IMMP2L: variants seen among roughly 807,000 people sequenced by gnomAD.
IMMP2L encodes the protein mitochondrial inner membrane protease subunit 2.
A neutral mutation model predicts 19.3 loss-of-function variants in IMMP2L; 18 were observed. The ratio of observed to expected loss-of-function variants is 0.93; its 90% CI spans 0.64 to 1.38. The LOEUF (loss-of-function observed/expected upper bound fraction) is 1.38. Ranked by LOEUF, IMMP2L falls within the 40% of genes most tolerant of loss-of-function variation. The pLI is 0.00. For missense variants in IMMP2L, 233 were observed against 218.2 expected (o/e 1.07, Z -0.43); for synonymous variants, 76 against 73.0 (o/e 1.04, Z -0.21).
At chr7:111,373,240 T>A (rs911806924) in intron 3 of IMMP2L, among the ~76,000 whole-genome samples, 1 of 151,882 alleles carries the variant, frequency 6.6e-6, no homozygotes, top group African/African-American at 2.4e-5. Flanking sequence ...AAGTTTTCTA[T>A]GAAAAGGAAA....
intron 4 of IMMP2L, among the ~76,000 whole-genome samples, chr7:110,960,482 T>C (rs1204600778): frequency 6.6e-6 from 1 of 152,010 alleles, no homozygotes; most frequent in Non-Finnish European, 1.5e-5. Flanking sequence ...ACTGGCTTTC[T>C]TCACCTAGGG....
At chr7:110,793,334 G>A (rs1166523602) in intron 5 of IMMP2L, among the ~76,000 whole-genome samples, 7 of 151,820 alleles carry the variant, frequency 4.6e-5, no homozygotes, top group Non-Finnish European at 7.4e-5. Context: ...GCACGAGAAT[G>A]GCTTGAATCT....
chr7:111,119,666 T>G (rs1055793367), intron 3 of IMMP2L, among the ~76,000 whole-genome samples: 1 of 152,330 alleles, frequency 6.6e-6, no homozygotes, highest in Non-Finnish European at 1.5e-5. Context: ...AAGTAACATG[T>G]AAAAGGATGC....
intron 5 of IMMP2L, among the ~76,000 whole-genome samples, chr7:110,848,030 C>T (rs989372952): frequency 6.6e-6 from 1 of 152,010 alleles, no homozygotes; most frequent in Non-Finnish European, 1.5e-5. Context: ...ACATCAAAGG[C>T]ACAACCCATG....
chr7:111,311,370 C>T (rs1424163767), intron 3 of IMMP2L, among the ~76,000 whole-genome samples: 1 of 151,918 alleles, frequency 6.6e-6, no homozygotes. Flanking sequence ...CATTTGGTCC[C>T]CATAAGGTCA....
chr7:111,400,712 G>A (rs1411776480), intron 3 of IMMP2L, among the ~76,000 whole-genome samples: 2 of 152,014 alleles, frequency 1.3e-5, no homozygotes, highest in Non-Finnish European at 2.9e-5. Flanking sequence ...GAAATGCTTA[G>A]GTGTGAGGTT....
chr7:111,454,617 T>A (rs1394485565), intron 3 of IMMP2L, among the ~76,000 whole-genome samples: 4 of 152,070 alleles, frequency 2.6e-5, no homozygotes, highest in Non-Finnish European at 5.9e-5. Context: ...ATTCTTCTTA[T>A]AATTTTTATA....
At chr7:110,717,739 T>C (rs1795317992) in intron 5 of IMMP2L, among the ~76,000 whole-genome samples, 3 of 152,190 alleles carry the variant, frequency 2.0e-5, no homozygotes, top group African/African-American at 4.8e-5. Flanking sequence ...AAAAACCTCA[T>C]GATGAATAGC....
chr7:111,279,978 C>A (rs1021392403), intron 3 of IMMP2L, among the ~76,000 whole-genome samples: 4 of 152,122 alleles, frequency 2.6e-5, no homozygotes, highest in Admixed American at 2.6e-4. Flanking sequence ...TAGTCTCCTA[C>A]TTCTACTCTT....
chr7:111,083,340 C>T (rs566368404), intron 3 of IMMP2L, among the ~76,000 whole-genome samples: 7 of 152,226 alleles, frequency 4.6e-5, no homozygotes, highest in Non-Finnish European at 7.4e-5. Flanking sequence ...TTTATAGATA[C>T]CTTCACACTA....
chr7:111,375,658 A>G (rs1464954944), intron 3 of IMMP2L, among the ~76,000 whole-genome samples: 1 of 151,830 alleles, frequency 6.6e-6, no homozygotes. Context: ...CCGAGTAGCT[A>G]GGATTACAGG....
In IMMP2L at chr7:111,527,422, AGG is replaced by A. The variant is rs34300115; in HGVS notation, c.-2-5975_-2-5974del. Among the ~76,000 whole-genome samples, 17 of 106,224 alleles carry A rather than the reference AGG, an allele frequency of 1.6e-4. 1 individual carries two copies. Among genetic ancestry groups the A allele is most frequent in the African/African-American group, 5.1e-4 (15 of 29,324 alleles). The allele number at this position is 106,224 out of a possible 152,430, so 69.7% of individuals were successfully genotyped here. A position where few individuals can be genotyped will look rare whatever the true frequency, so the allele number is the denominator to read the frequency against. On this transcript the variant is annotated intron_variant, in intron 1 of 5. Coordinates refer to ENST00000405709, the MANE Select transcript of IMMP2L (RefSeq NM_032549.4). ...ACCAAACAAGACCCTGTCTCCAAAAAGGGGGGGGGGGTAGATTTAATATCTAA... is the reference window on the plus strand; with the variant it reads ...ACCAAACAAGACCCTGTCTCCAAAAAGGGGGGGGGTAGATTTAATATCTAA...
At chr7:111,395,521 C>T (rs1202326216) in intron 3 of IMMP2L, among the ~76,000 whole-genome samples, 1 of 152,130 alleles carries the variant, frequency 6.6e-6, no homozygotes, top group African/African-American at 2.4e-5. Flanking sequence ...TAATGAAAAT[C>T]ATAGTACAGG....
chr7:110,719,924 G>A (rs112003532), intron 5 of IMMP2L, among the ~76,000 whole-genome samples: 1 of 152,120 alleles, frequency 6.6e-6, no homozygotes, highest in Non-Finnish European at 1.5e-5. Flanking sequence ...AATCAAATTG[G>A]AGATGAAATA....
intron 5 of IMMP2L, among the ~76,000 whole-genome samples, chr7:110,873,246 C>T (rs111526885): frequency 6.6e-5 from 10 of 151,572 alleles, no homozygotes; most frequent in East Asian, 3.9e-4. Context: ...ATAGTGAAAC[C>T]GTTTCTGTAC....
chr7:110,723,220 A>T (rs999485133), intron 5 of IMMP2L, among the ~76,000 whole-genome samples: 1 of 152,178 alleles, frequency 6.6e-6, no homozygotes, highest in African/African-American at 2.4e-5. Context: ...GGGATTTTGA[A>T]GTCTTCTCCA....
At chr7:111,503,791 C>G (rs1178525260) in intron 2 of IMMP2L, among the ~76,000 whole-genome samples, 2 of 152,108 alleles carry the variant, frequency 1.3e-5, no homozygotes, top group Admixed American at 6.6e-5. Context: ...TAAAAACTCT[C>G]AATAAATTAG....
chr7:111,502,474 T>C (rs1407623603), intron 2 of IMMP2L, among the ~76,000 whole-genome samples: 1 of 152,116 alleles, frequency 6.6e-6, no homozygotes, highest in Non-Finnish European at 1.5e-5. Context: ...GCATACCTAA[T>C]AGACATCTAC....
chr7:111,400,937 T>G (rs1377758066), intron 3 of IMMP2L, among the ~76,000 whole-genome samples: 3 of 152,160 alleles, frequency 2.0e-5, no homozygotes, highest in Non-Finnish European at 2.9e-5. Flanking sequence ...AGGATTATAC[T>G]GATAATCTCT....
Sources: gnomAD v4.1 joint callset for allele counts (sites outside exome capture counted in the v4.1 genomes callset) on GRCh38, gnomAD v4.1.1 for gene constraint, MANE v1.5 for transcripts, NCBI Gene and HGNC (gene_info 2026-07-23, HGNC 2026-07-21) for gene names.